Variants in FUT9 observed in about 807,000 individuals in gnomAD.
FUT9 encodes the protein 4-galactosyl-N-acetylglucosaminide 3-alpha-L-fucosyltransferase 9.
Under a neutral mutation model 29.7 loss-of-function variants are expected in FUT9, and 15 were observed. The observed-to-expected ratio is 0.51, with a 90% CI of 0.34 to 0.78. The LOEUF is 0.78. Among genes scored for constraint, FUT9 ranks in the 30% least tolerant of loss-of-function variants. The probability of loss-of-function intolerance (pLI) is 0.01; values close to 1 mark genes in which losing one functional copy is unlikely to be tolerated. For missense variants in FUT9, 319 were observed against 425.4 expected (o/e 0.75, Z 2.20); for synonymous variants, 169 against 153.7 (o/e 1.10, Z -0.74).
At chr6:96,164,260 T>C in intron 2 of FUT9, among the ~76,000 whole-genome samples, 2 of 145,464 alleles carry the variant, frequency 1.4e-5, no homozygotes, top group African/African-American at 5.1e-5. Flanking sequence ...GTTCTTTTTT[T>C]TTTTTTTTTT....
At chr6:96,026,198 A>G (rs1460478819) in intron 1 of FUT9, among the ~76,000 whole-genome samples, 1 of 151,738 alleles carries the variant, frequency 6.6e-6, no homozygotes, top group Admixed American at 6.6e-5. Context: ...CCCAGTAGTG[A>G]CAAAAGACTT....
intron 1 of FUT9, among the ~76,000 whole-genome samples, chr6:96,035,552 T>C (rs1459706063): frequency 6.7e-6 from 1 of 148,564 alleles, no homozygotes; most frequent in African/African-American, 2.5e-5. Context: ...TATTGGCCCA[T>C]AGTTTTGAAG....
At chr6:96,135,214 T>C (rs919698076) in intron 2 of FUT9, among the ~76,000 whole-genome samples, 6 of 151,972 alleles carry the variant, frequency 3.9e-5, no homozygotes, top group African/African-American at 1.4e-4. Context: ...GTGTGTATAG[T>C]ATAATCAAAT....
intron 1 of FUT9, among the ~76,000 whole-genome samples, chr6:96,052,308 T>A: frequency 7.0e-6 from 1 of 142,794 alleles, no homozygotes; most frequent in South Asian, 2.1e-4. Flanking sequence ...AGGTGACATT[T>A]GAGTGGTGAC....
chr6:96,103,122 G>T (rs1047052493), intron 1 of FUT9, among the ~76,000 whole-genome samples: 1 of 152,136 alleles, frequency 6.6e-6, no homozygotes, highest in African/African-American at 2.4e-5. Flanking sequence ...ATGGGGAGTA[G>T]GGGAGGAGAC....
At chr6:96,097,605 A>T (rs1771522758) in intron 1 of FUT9, among the ~76,000 whole-genome samples, 1 of 81,888 alleles carries the variant, frequency 1.2e-5, no homozygotes. Context: ...GTTGATCGAT[A>T]ACTTTCAATG....
chr6:96,211,840 G>A lies in FUT9; in HGVS notation c.*7605G>A. On this transcript the variant is annotated 3_prime_UTR_variant, in exon 3 of 3. Coordinates refer to ENST00000302103, the MANE Select transcript of FUT9 (RefSeq NM_006581.4). ...CCTTTAAAGAGTATTAGAAATGTCT[G>A]TTATGTCAGTAACATTAGAAAACTT... 1 of 358,508 alleles carries A rather than the reference G, an allele frequency of 2.8e-6. No individual in the cohort carries two copies. The highest frequency in any genetic ancestry group is 5.2e-6 in the Non-Finnish European group (1 of 192,850). 22.2% of individuals were successfully genotyped at this position (358,508 alleles called of 1,614,324 possible). A position where few individuals can be genotyped will look rare whatever the true frequency, so the allele number is the denominator to read the frequency against.
rs568829166 is a variant in FUT9, at chr6:96,031,610, G to C, written c.-98+15398G>C. ...TTAACAAATAGTGTATCCTTCAATA[G>C]AGCAACAGAATATTTATTCCCTAGC... On this transcript the variant is annotated intron_variant, in intron 1 of 2. Coordinates refer to ENST00000302103, the MANE Select transcript of FUT9 (RefSeq NM_006581.4). Among the ~76,000 whole-genome samples, 62 of 151,446 alleles carry C rather than the reference G, an allele frequency of 4.1e-4. 1 individual carries two copies. Among genetic ancestry groups the C allele is most frequent in the African/African-American group, 1.5e-3 (61 of 41,386 alleles).
intron 2 of FUT9, among the ~76,000 whole-genome samples, chr6:96,157,099 C>G (rs972807056): frequency 2.0e-5 from 3 of 152,138 alleles, no homozygotes; most frequent in Admixed American, 2.0e-4. Flanking sequence ...TGTACCTAGC[C>G]CCAGAGAAAG....
chr6:96,185,063 C>T (rs866006654), intron 2 of FUT9, among the ~76,000 whole-genome samples: 2 of 151,996 alleles, frequency 1.3e-5, no homozygotes, highest in Non-Finnish European at 2.9e-5. Context: ...AACCTTCCTT[C>T]CCCACTCCCT....
intron 2 of FUT9, among the ~76,000 whole-genome samples, chr6:96,115,535 G>A (rs1023554932): frequency 4.6e-5 from 7 of 152,156 alleles, no homozygotes; most frequent in African/African-American, 1.7e-4. Context: ...TCAAGTGTCA[G>A]TTTTTAAATT....
At chr6:96,081,757 GTGTT>G (rs1436934847) in intron 1 of FUT9, among the ~76,000 whole-genome samples, 1 of 151,840 alleles carries the variant, frequency 6.6e-6, no homozygotes, top group Non-Finnish European at 1.5e-5. Context: ...AAACTATTAA[GTGTT>G]TGTGCTGATT....
rs1054612568 is a variant in FUT9 at position 96,205,531 on chromosome 6, C to T, written c.*1296C>T. On this transcript the variant is annotated 3_prime_UTR_variant, in exon 3 of 3. Transcript: ENST00000302103. The stretch of plus-strand genomic sequence containing the variant: ...GGCTTTATAGAACCAAATAAACCTA[C>T]CATTACATGAAAATTTTGAAGAGTA... 1.8e-5 allele frequency: 3 copies of T among 166,916 alleles called. No homozygotes were observed. The Admixed American group carries it at 2.0e-4, about 11-fold the overall frequency. The allele number at this position is 166,916 out of a possible 1,614,324, so 10.3% of individuals were successfully genotyped here.
At chr6:96,164,630 G>T (rs1458725564) in intron 2 of FUT9, among the ~76,000 whole-genome samples, 1 of 152,124 alleles carries the variant, frequency 6.6e-6, no homozygotes, top group East Asian at 1.9e-4. Flanking sequence ...TCAGTCTTAA[G>T]ATCGCAGTTT....
intron 1 of FUT9, among the ~76,000 whole-genome samples, chr6:96,105,011 T>C (rs1213180382): frequency 6.6e-6 from 1 of 152,226 alleles, no homozygotes; most frequent in Non-Finnish European, 1.5e-5. Context: ...GGTTCTTCCG[T>C]GCTTACTTAG....
chr6:96,141,786 G>T (rs906853088), intron 2 of FUT9, among the ~76,000 whole-genome samples: 8 of 152,188 alleles, frequency 5.3e-5, no homozygotes, highest in Non-Finnish European at 1.0e-4. Context: ...CCTTGCTAGG[G>T]CTTATCCCAC....
chr6:96,121,992 A>G (rs1280587999), intron 2 of FUT9, among the ~76,000 whole-genome samples: 1 of 152,054 alleles, frequency 6.6e-6, no homozygotes, highest in Non-Finnish European at 1.5e-5. Flanking sequence ...GAAACTTATC[A>G]GTAAGTCTTC....
intron 2 of FUT9, among the ~76,000 whole-genome samples, chr6:96,191,652 A>C (rs1773511550): frequency 6.6e-6 from 1 of 152,200 alleles, no homozygotes; most frequent in South Asian, 2.1e-4. Flanking sequence ...TATCAGAGGT[A>C]CAAGGAGGAG....
chr6:96,134,100 T>C (rs1279308771), intron 2 of FUT9, among the ~76,000 whole-genome samples: 1 of 151,776 alleles, frequency 6.6e-6, no homozygotes, highest in Non-Finnish European at 1.5e-5. Flanking sequence ...AGAGAAGATA[T>C]GTGAACAAAT....
Sources: gnomAD v4.1 joint callset for allele counts (sites outside exome capture counted in the v4.1 genomes callset) on GRCh38, gnomAD v4.1.1 for gene constraint, MANE v1.5 for transcripts, NCBI Gene and HGNC (gene_info 2026-07-23, HGNC 2026-07-21) for gene names.